KCNJ3: variants seen among roughly 807,000 people sequenced by gnomAD.
KCNJ3 encodes G protein-activated inward rectifier potassium channel 1.
Under a neutral mutation model 39.2 loss-of-function variants are expected in KCNJ3, and 4 were observed. The observed-to-expected ratio is 0.10, with a 90% CI of 0.05 to 0.23. The LOEUF is 0.23. Among genes scored for constraint, KCNJ3 ranks in the 10% least tolerant of loss-of-function variants. The pLI, the probability that KCNJ3 is intolerant of heterozygous loss-of-function variation, is 1.00. For synonymous variants in KCNJ3, 230 were observed against 237.4 expected (o/e 0.97, Z 0.29); for missense variants, 276 against 634.9 (o/e 0.43, Z 6.08).
chr2:154,773,150 T>C (rs1449255813), intron 2 of KCNJ3, among the ~76,000 whole-genome samples: 1 of 152,140 alleles, frequency 6.6e-6, no homozygotes, highest in Admixed American at 6.6e-5. Flanking sequence ...TAGCACATTT[T>C]GACTATTGAA....
chr2:154,810,653 G>T (rs1686993820), intron 2 of KCNJ3, among the ~76,000 whole-genome samples: 1 of 152,082 alleles, frequency 6.6e-6, no homozygotes, highest in Non-Finnish European at 1.5e-5. Flanking sequence ...TACCATAACA[G>T]TTGGCTTACT....
intron 2 of KCNJ3, among the ~76,000 whole-genome samples, chr2:154,734,493 TCAAAA>T (rs915236221): frequency 5.3e-5 from 8 of 152,082 alleles, no homozygotes; most frequent in South Asian, 2.1e-4. Context: ...GTGAGCCACC[TCAAAA>T]CAAAACAAAA....
chr2:154,762,589 G>C (rs917082316), intron 2 of KCNJ3, among the ~76,000 whole-genome samples: 1 of 152,090 alleles, frequency 6.6e-6, no homozygotes, highest in Non-Finnish European at 1.5e-5. Context: ...TGGGAACTTG[G>C]TTTCCTTTTT....
At chr2:154,774,495 T>C (rs2105198505) in intron 2 of KCNJ3, among the ~76,000 whole-genome samples, 1 of 152,176 alleles carries the variant, frequency 6.6e-6, no homozygotes, top group South Asian at 2.1e-4. Flanking sequence ...TGATGTAATT[T>C]TTGACAAAAT....
chr2:154,743,889 T>C (rs565448952), intron 2 of KCNJ3, among the ~76,000 whole-genome samples: 4 of 151,648 alleles, frequency 2.6e-5, no homozygotes, highest in African/African-American at 4.8e-5. Flanking sequence ...GTAAGAGTGA[T>C]AGATGTGGAC....
chr2:154,803,339 C>G (rs1392931696), intron 2 of KCNJ3, among the ~76,000 whole-genome samples: 1 of 151,798 alleles, frequency 6.6e-6, no homozygotes, highest in Non-Finnish European at 1.5e-5. Context: ...AAATGAGCAC[C>G]TGTTTTAAAA....
At chr2:154,731,675 C>G (rs2105167725) in intron 2 of KCNJ3, among the ~76,000 whole-genome samples, 1 of 150,800 alleles carries the variant, frequency 6.6e-6, no homozygotes, top group East Asian at 2.0e-4. Context: ...ATGAAATTAC[C>G]TTTTCAAATA....
At chr2:154,835,158 A>G (rs1017295522) in intron 2 of KCNJ3, among the ~76,000 whole-genome samples, 18 of 151,928 alleles carry the variant, frequency 1.2e-4, no homozygotes, top group Admixed American at 7.9e-4. Context: ...ATCAGTCATT[A>G]CTTCATTAAG....
chr2:154,777,024 G>A (rs1161826974), intron 2 of KCNJ3, among the ~76,000 whole-genome samples: 1 of 146,508 alleles, frequency 6.8e-6, no homozygotes, highest in East Asian at 1.9e-4. Flanking sequence ...TCTCCAACCA[G>A]TTTTCACACG....
At chr2:154,769,413 T>C (rs1686197140) in intron 2 of KCNJ3, among the ~76,000 whole-genome samples, 1 of 152,206 alleles carries the variant, frequency 6.6e-6, no homozygotes, top group Admixed American at 6.5e-5. Flanking sequence ...TTGAATTTTT[T>C]TGAAGGCCTT....
intron 2 of KCNJ3, among the ~76,000 whole-genome samples, chr2:154,810,644 A>G (rs943479365): frequency 1.3e-5 from 2 of 152,218 alleles, no homozygotes; most frequent in African/African-American, 2.4e-5. Flanking sequence ...ATTAAGTGGT[A>G]CCATAACAGT....
chr2:154,817,250 T>C (rs1398601103), intron 2 of KCNJ3, among the ~76,000 whole-genome samples: 1 of 152,178 alleles, frequency 6.6e-6, no homozygotes, highest in Non-Finnish European at 1.5e-5. Context: ...ATCACTTTAT[T>C]TCATCACAGT....
chr2:154,735,277 T>TC (rs200459728), intron 2 of KCNJ3, among the ~76,000 whole-genome samples: 1 of 149,402 alleles, frequency 6.7e-6, no homozygotes, highest in Non-Finnish European at 1.5e-5. Flanking sequence ...TTTCTTTCTT[T>TC]TTTTTTTTTT....
chr2:154,724,917 G>GTATATATATATATATGTA (rs1553454965), intron 2 of KCNJ3, among the ~76,000 whole-genome samples: 1 of 116,302 alleles, frequency 8.6e-6, no homozygotes, highest in Admixed American at 8.5e-5. Context: ...TACATATGAG[G>GTATATATATATATATGTA]TATATATATA....
At chr2:154,823,194 G>C (rs1687213283) in intron 2 of KCNJ3, among the ~76,000 whole-genome samples, 1 of 152,084 alleles carries the variant, frequency 6.6e-6, no homozygotes, top group South Asian at 2.1e-4. Flanking sequence ...ATGCAACATT[G>C]AGTTAACTTT....
chr2:154,767,468 G>GA (rs757381185), intron 2 of KCNJ3, among the ~76,000 whole-genome samples: 1 of 152,146 alleles, frequency 6.6e-6, no homozygotes, highest in Non-Finnish European at 1.5e-5. Context: ...AGTTTGCTGA[G>GA]AATGATGGTT....
At position 154,699,027 on chromosome 2, in the gene KCNJ3, C is replaced by A; in HGVS notation, c.252C>A (p.Leu84=). The A allele has an allele frequency of 6.2e-7, 1 of 1,614,220 alleles. No individual in the cohort carries two copies. Among genetic ancestry groups the A allele is most frequent in the Non-Finnish European group, 8.5e-7 (1 of 1,180,044 alleles). ...TGGACCTCAAGTGGCGCTGGAACCTCTTCATCTTCATTCTCACCTACACCG... is the reference window on the plus strand; with the variant it reads ...TGGACCTCAAGTGGCGCTGGAACCTATTCATCTTCATTCTCACCTACACCG... The part of the protein sequence containing the change: ...TLVDLKWRWN[L]FIFILTYTVA... Residue 84 remains leucine, a synonymous_variant, in exon 1 of 3, where the codon CTC becomes CTA. Coordinates refer to ENST00000295101, the MANE Select transcript of KCNJ3 (RefSeq NM_002239.4). The surrounding 1 kb of genome is among the most constrained non-coding windows in gnomAD (Gnocchi z 6.4).
chr2:154,709,864 G>A, intron 2 of KCNJ3, 45 bp downstream of exon 2: 1 of 1,600,270 alleles, frequency 6.2e-7, no homozygotes, highest in South Asian at 1.1e-5. Context: ...ATACCATAAT[G>A]ACATTATATG....
intron 2 of KCNJ3, among the ~76,000 whole-genome samples, chr2:154,809,044 T>C (rs1384316211): frequency 1.3e-5 from 2 of 152,170 alleles, no homozygotes; most frequent in Non-Finnish European, 2.9e-5. Flanking sequence ...CAGTTCAGTT[T>C]CATGGGCCAC....
Sources: allele counts gnomAD v4.1 joint callset (sites outside exome capture counted in the v4.1 genomes callset), GRCh38; gene constraint gnomAD v4.1.1; non-coding constraint Gnocchi (gnomAD v3.1); transcripts MANE v1.5; gene names NCBI Gene and HGNC (gene_info 2026-07-23, HGNC 2026-07-21).